The following KCNH1 variants were observed in gnomAD, a reference collection of about 807,000 sequenced individuals.
KCNH1 encodes the protein voltage-gated delayed rectifier potassium channel KCNH1.
In KCNH1, 27 loss-of-function variants were observed where a neutral mutation model predicts 69.2. The ratio of observed to expected loss-of-function variants is 0.39; its 90% confidence interval spans 0.29 to 0.54. The LOEUF (loss-of-function observed/expected upper bound fraction) is 0.54, where lower values mean the gene tolerates loss of function less well. Among genes scored for constraint, KCNH1 ranks in the 20% least tolerant of loss-of-function variants. The probability of loss-of-function intolerance (pLI) is 0.68; values close to 1 mark genes in which losing one functional copy is unlikely to be tolerated. For synonymous variants in KCNH1, 456 were observed against 487.7 expected, an observed-to-expected ratio of 0.93 and a Z score of 0.86; for missense variants, 798 against 1,261.6, an observed-to-expected ratio of 0.63 and a Z score of 5.57.
intron 1 of KCNH1, among the ~76,000 whole-genome samples, chr1:211,117,658 C>G (rs1691605685): frequency 6.6e-6 from 1 of 152,158 alleles, no homozygotes; most frequent in Admixed American, 6.5e-5. Flanking sequence ...CCAGCAATCC[C>G]TAGGCTTCCC....
chr1:210,796,772 C>T lies in KCNH1; in HGVS notation c.1915+736G>A, dbSNP rs571590880. Among the ~76,000 whole-genome samples the T allele has an allele frequency of 5.9e-5, 9 of 152,250 alleles. No individual in the cohort carries two copies. In the East Asian group the frequency reaches 1.4e-3, roughly 23 times the overall value. The stretch of plus-strand genomic sequence containing the variant: ...CAGTATTAGTTCAGGCCACCATCAA[C>T]TTACCTCTAGATAACATGCCTTCCA... On this transcript the variant is annotated intron_variant, in intron 9 of 10. Coordinates refer to ENST00000271751, the MANE Select transcript of KCNH1 (RefSeq NM_172362.3).
At chr1:210,835,989 G>A (rs1286471116) in intron 7 of KCNH1, among the ~76,000 whole-genome samples, 2 of 151,802 alleles carry the variant, frequency 1.3e-5, no homozygotes, top group African/African-American at 2.4e-5. Context: ...AATTAGGTGG[G>A]TGTGGTGGTG....
chr1:210,994,125 A>G (rs1688980998), intron 6 of KCNH1, among the ~76,000 whole-genome samples: 1 of 152,242 alleles, frequency 6.6e-6, no homozygotes, highest in Non-Finnish European at 1.5e-5. Context: ...ACATTCTCCT[A>G]TAAACATACT....
intron 10 of KCNH1, among the ~76,000 whole-genome samples, chr1:210,735,749 T>C (rs1682862172): frequency 6.6e-6 from 1 of 151,746 alleles, no homozygotes; most frequent in Non-Finnish European, 1.5e-5. Context: ...CAGGATACTA[T>C]ACCCTGTCCC....
At chr1:211,093,921 G>A (rs1691100240) in intron 3 of KCNH1, among the ~76,000 whole-genome samples, 1 of 152,090 alleles carries the variant, frequency 6.6e-6, no homozygotes. Context: ...GCTGGTAGGA[G>A]GAGAAGCCTG....
At chr1:210,852,856 A>T (rs1685737690) in intron 7 of KCNH1, among the ~76,000 whole-genome samples, 1 of 152,210 alleles carries the variant, frequency 6.6e-6, no homozygotes, top group Non-Finnish European at 1.5e-5. Context: ...ATACAGCCAA[A>T]GGCAACGTGG....
intron 1 of KCNH1, among the ~76,000 whole-genome samples, chr1:211,119,549 C>CA (rs1054038505): frequency 2.2e-4 from 32 of 144,296 alleles, no homozygotes; most frequent in South Asian, 8.9e-4. Context: ...GAAATTACTT[C>CA]AAAAAAAAAA....
chr1:211,117,323 G>A (rs1278427707), intron 1 of KCNH1, among the ~76,000 whole-genome samples: 2 of 152,188 alleles, frequency 1.3e-5, no homozygotes, highest in Non-Finnish European at 2.9e-5. Context: ...CACGCCTTGT[G>A]TAGCTCTCTC....
intron 6 of KCNH1, among the ~76,000 whole-genome samples, chr1:210,934,614 G>A (rs1047759721): frequency 2.0e-5 from 3 of 152,038 alleles, no homozygotes; most frequent in African/African-American, 7.2e-5. Context: ...ACTCCAGCCT[G>A]GGTGACAGAG....
chr1:210,782,748 A>AG (rs1361029743), intron 9 of KCNH1, among the ~76,000 whole-genome samples: 2 of 152,158 alleles, frequency 1.3e-5, no homozygotes, highest in African/African-American at 4.8e-5. Context: ...AAAGAAAGAA[A>AG]AAAAGATTAG....
chr1:210,754,349 T>C (rs1338048714), intron 10 of KCNH1, among the ~76,000 whole-genome samples: 1 of 151,350 alleles, frequency 6.6e-6, no homozygotes, highest in Non-Finnish European at 1.5e-5. Context: ...AATTGTTGTG[T>C]GGATTATCCA....
At chr1:210,770,189 C>T (rs1448048877) in intron 10 of KCNH1, among the ~76,000 whole-genome samples, 1 of 151,756 alleles carries the variant, frequency 6.6e-6, no homozygotes, top group East Asian at 1.9e-4. Flanking sequence ...ACATCACACA[C>T]TGGGGCCTGT....
chr1:210,913,634 A>G (rs185834623), intron 7 of KCNH1, among the ~76,000 whole-genome samples: 1 of 152,304 alleles, frequency 6.6e-6, no homozygotes, highest in Admixed American at 6.5e-5. Flanking sequence ...CTAGAAATAT[A>G]AGGACACAGC....
At chr1:210,917,248 A>G (rs1687360943) in intron 7 of KCNH1, among the ~76,000 whole-genome samples, 1 of 148,568 alleles carries the variant, frequency 6.7e-6, no homozygotes, top group African/African-American at 2.6e-5. Context: ...AGAAAGAAAG[A>G]AAGAAAGAAA....
intron 9 of KCNH1, among the ~76,000 whole-genome samples, chr1:210,797,304 A>G (rs1426785654): frequency 2.0e-5 from 3 of 152,194 alleles, no homozygotes; most frequent in Non-Finnish European, 4.4e-5. Context: ...CATTTTTCTT[A>G]TTGAAATACT....
chr1:211,124,839 A>G (rs1691750494), intron 1 of KCNH1, among the ~76,000 whole-genome samples: 1 of 152,196 alleles, frequency 6.6e-6, no homozygotes, highest in Non-Finnish European at 1.5e-5. Flanking sequence ...ACACTGGCCA[A>G]TTTCTAAGGT....
intron 6 of KCNH1, among the ~76,000 whole-genome samples, chr1:210,984,214 T>A (rs991384379): frequency 6.6e-6 from 1 of 152,240 alleles, no homozygotes; most frequent in Non-Finnish European, 1.5e-5. Context: ...TCATGTCATC[T>A]GCAAACAGCG....
chr1:210,789,596 C>T (rs188530887), intron 9 of KCNH1, among the ~76,000 whole-genome samples: 2 of 152,300 alleles, frequency 1.3e-5, no homozygotes, highest in Admixed American at 1.3e-4. Flanking sequence ...TTGACTCTCT[C>T]AATACCCCTT....
In KCNH1 at chr1:211,133,702, C is replaced by T. The variant is rs971484401; in HGVS notation, c.79+165G>A. Among the ~76,000 whole-genome samples the T allele has an allele frequency of 1.3e-5, 2 of 152,136 alleles. No homozygotes were observed. The highest frequency in any genetic ancestry group is 2.9e-5 in the Non-Finnish European group (2 of 68,014). On this transcript the variant is annotated intron_variant, in intron 1 of 10. Coordinates refer to ENST00000271751, the MANE Select transcript of KCNH1 (RefSeq NM_172362.3). The surrounding 1 kb of genome is among the most constrained non-coding windows in gnomAD (Gnocchi z 5.4). ...ACCCATCAGACCCCGCCCCGCCCTG[C>T]CCACCTTTCTCTGCCTCGGGGAGGC...
Sources: gnomAD v4.1 joint callset for allele counts (sites outside exome capture counted in the v4.1 genomes callset) on GRCh38, gnomAD v4.1.1 for gene constraint, Gnocchi (gnomAD v3.1) non-coding constraint, MANE v1.5 for transcripts, NCBI Gene and HGNC (gene_info 2026-07-23, HGNC 2026-07-21) for gene names.